MEF2A: variants seen among roughly 807,000 people sequenced by gnomAD.
MEF2A encodes the protein myocyte enhancer factor 2A.
A neutral mutation model predicts 55.8 loss-of-function variants in MEF2A; 28 were observed. The ratio of observed to expected loss-of-function variants is 0.50; its 90% CI spans 0.37 to 0.69. MEF2A has a LOEUF of 0.69. Ranked by LOEUF, MEF2A falls within the 30% of genes least tolerant of loss-of-function variation. The pLI, the probability that MEF2A is intolerant of heterozygous loss-of-function variation, is 0.00. For missense variants in MEF2A, 528 were observed against 626.2 expected, an observed-to-expected ratio of 0.84 and a Z score of 1.67; for synonymous variants, 239 against 227.1, an observed-to-expected ratio of 1.05 and a Z score of -0.47.
intron 2 of MEF2A, among the ~76,000 whole-genome samples, chr15:99,622,416 C>T (rs1002175737): frequency 3.3e-5 from 5 of 152,006 alleles, no homozygotes; most frequent in African/African-American, 1.2e-4. Context: ...TTAGCTTTAC[C>T]ATATTGAAAA....
At chr15:99,569,978 A>G (rs1245309939) in intron 1 of MEF2A, among the ~76,000 whole-genome samples, 4 of 151,832 alleles carry the variant, frequency 2.6e-5, no homozygotes, top group Non-Finnish European at 2.9e-5. Context: ...ATAGGTTGGT[A>G]CTTATTTAAT....
At chr15:99,596,082 C>T (rs746817759) in intron 1 of MEF2A, among the ~76,000 whole-genome samples, 2 of 151,810 alleles carry the variant, frequency 1.3e-5, no homozygotes, top group African/African-American at 2.4e-5. Context: ...ACTATAAAAA[C>T]TTGATTTTTT....
chr15:99,712,317 GTC>G lies in MEF2A; in HGVS notation c.1137-69_1137-68del. ...TCTGGGCCCTTTTCCATCAGGCAGT[GTC>G]TCTACTGTATCATCCCAGTTTTGCA... is the stretch of plus-strand genomic sequence containing the variant. On this transcript the variant is annotated intron_variant, in intron 11 of 11. Transcript: ENST00000557942. This position sits in a 1 kb window ranked among gnomAD's most constrained non-coding sequence, Gnocchi z 4.1. 6.9e-7 allele frequency: 1 copy of G among 1,455,536 alleles called. No individual in the cohort carries two copies. 90.2% of individuals were successfully genotyped at this position (1,455,536 alleles called of 1,614,324 possible). A position where few individuals can be genotyped will look rare whatever the true frequency, so the allele number is the denominator to read the frequency against.
chr15:99,666,304 C>G (rs765672748), intron 4 of MEF2A, among the ~76,000 whole-genome samples: 3 of 152,054 alleles, frequency 2.0e-5, no homozygotes, highest in Admixed American at 1.3e-4. Context: ...ATGGTTGACA[C>G]TGGAAACCAT....
At chr15:99,627,677 TG>T (rs1045387200) in intron 2 of MEF2A, among the ~76,000 whole-genome samples, 12 of 152,220 alleles carry the variant, frequency 7.9e-5, no homozygotes, top group Admixed American at 6.5e-4. Flanking sequence ...AAAGGGAATG[TG>T]CATCTCTGAT....
chr15:99,575,488 C>T (rs1463897192), intron 1 of MEF2A, among the ~76,000 whole-genome samples: 1 of 152,126 alleles, frequency 6.6e-6, no homozygotes, highest in Non-Finnish European at 1.5e-5. Flanking sequence ...ATGGTATATC[C>T]TCAGTGCATC....
At chr15:99,586,811 A>G (rs984303620) in intron 1 of MEF2A, among the ~76,000 whole-genome samples, 2 of 152,184 alleles carry the variant, frequency 1.3e-5, no homozygotes, top group East Asian at 1.9e-4. Context: ...TTATAAGTCT[A>G]CAGTTCATTT....
chr15:99,712,969 A>G lies in MEF2A; in HGVS notation c.*198A>G, dbSNP rs899883314. 4 of 641,088 alleles carry G rather than the reference A, an allele frequency of 6.2e-6. No individual in the cohort carries two copies. Among genetic ancestry groups the G allele is most frequent in the South Asian group, 2.2e-5 (1 of 44,704 alleles). 39.7% of individuals were successfully genotyped at this position (641,088 alleles called of 1,614,324 possible). Reference sequence around the variant, plus strand: ...ACACAGAATCAGGCACTTACCTGCAAACTCCTTGTAGGTCTGCAGATGTGT... The same window carrying G: ...ACACAGAATCAGGCACTTACCTGCAGACTCCTTGTAGGTCTGCAGATGTGT... On this transcript the variant is annotated 3_prime_UTR_variant, in exon 12 of 12. Transcript: ENST00000557942. This position sits in a 1 kb window ranked among gnomAD's most constrained non-coding sequence, Gnocchi z 4.1.
chr15:99,609,935 G>T (rs1216913898), intron 2 of MEF2A, among the ~76,000 whole-genome samples: 1 of 151,958 alleles, frequency 6.6e-6, no homozygotes, highest in Non-Finnish European at 1.5e-5. Context: ...AAATTAATTG[G>T]CATTTCTTGA....
At chr15:99,703,502 TCAAACACTTTG>T in intron 9 of MEF2A, 117 bp downstream of exon 9, 1 of 951,082 alleles carries the variant, frequency 1.1e-6, no homozygotes, top group Non-Finnish European at 1.5e-6. Flanking sequence ...TAAACACTAT[TCAAACACTTTG>T]AATAAAGCAA....
At chr15:99,658,954 G>A (rs146325396) in intron 4 of MEF2A, among the ~76,000 whole-genome samples, 43 of 152,194 alleles carry the variant, frequency 2.8e-4, no homozygotes, top group African/African-American at 9.9e-4. Context: ...TCATGTGGAC[G>A]ATGATCTATG....
chr15:99,675,273 T>A, intron 6 of MEF2A, 126 bp from the exon 7 acceptor site: 5 of 836,268 alleles, frequency 6.0e-6, no homozygotes, highest in Non-Finnish European at 4.1e-6. Flanking sequence ...CTGAGCTAGT[T>A]TTTATTTTTG....
intron 4 of MEF2A, among the ~76,000 whole-genome samples, chr15:99,646,029 T>C (rs1223074801): frequency 6.6e-6 from 1 of 152,160 alleles, no homozygotes; most frequent in African/African-American, 2.4e-5. Context: ...ATTACTTATT[T>C]TGTATGAGTT....
chr15:99,696,868 A>G (rs2056549460), intron 8 of MEF2A, among the ~76,000 whole-genome samples: 1 of 152,134 alleles, frequency 6.6e-6, no homozygotes, highest in African/African-American at 2.4e-5. Context: ...AAGTCTACAA[A>G]TCCATATTCC....
chr15:99,675,574 A>G (rs920169095), intron 7 of MEF2A, 116 bp downstream of exon 7: 8 of 813,976 alleles, frequency 9.8e-6, no homozygotes. Flanking sequence ...TACTTTCACT[A>G]ATACATCAAG....
chr15:99,604,745 C>G (rs1974453261), intron 2 of MEF2A, among the ~76,000 whole-genome samples: 1 of 149,366 alleles, frequency 6.7e-6, no homozygotes, highest in South Asian at 2.1e-4. Context: ...TAGTGTTGGA[C>G]TTTGTTTTTG....
chr15:99,594,702 C>T (rs1469280100), intron 1 of MEF2A, among the ~76,000 whole-genome samples: 1 of 152,080 alleles, frequency 6.6e-6, no homozygotes, highest in Middle Eastern at 3.2e-3. Flanking sequence ...AGACACTTGC[C>T]ACTCCAGCAG....
At chr15:99,655,487 G>T (rs1490564765) in intron 4 of MEF2A, among the ~76,000 whole-genome samples, 6 of 152,092 alleles carry the variant, frequency 3.9e-5, no homozygotes, top group African/African-American at 1.4e-4. Context: ...ATAGGCATTG[G>T]GCAGCCTTTA....
intron 1 of MEF2A, among the ~76,000 whole-genome samples, chr15:99,573,764 T>G (rs12916795): frequency 0.067 from 10,204 of 152,304 alleles, 405 homozygotes; most frequent in East Asian, 0.18. Flanking sequence ...TAGCCAACAT[T>G]AGGAACCCAG....
Sources: allele counts gnomAD v4.1 joint callset (sites outside exome capture counted in the v4.1 genomes callset), GRCh38; gene constraint gnomAD v4.1.1; non-coding constraint Gnocchi (gnomAD v3.1); transcripts MANE v1.5; gene names NCBI Gene and HGNC (gene_info 2026-07-23, HGNC 2026-07-21).